The following SH3GL2 variants were observed in gnomAD, a reference collection of about 807,000 sequenced individuals.
SH3GL2 encodes SH3 domain containing GRB2 like 2, endophilin A1, also known as endophilin-A1.
A neutral mutation model predicts 46.0 loss-of-function variants in SH3GL2; 24 were observed. The observed-to-expected ratio is 0.52, with a 90% CI of 0.38 to 0.73. The LOEUF (loss-of-function observed/expected upper bound fraction) is 0.73. SH3GL2 is among the 30% of genes least tolerant of loss of function. The probability of loss-of-function intolerance (pLI) is 0.00; values close to 1 mark genes in which losing one functional copy is unlikely to be tolerated. For synonymous variants in SH3GL2, 196 were observed against 147.1 expected (o/e 1.33, Z -2.40); for missense variants, 413 against 424.2 (o/e 0.97, Z 0.23).
intron 3 of SH3GL2, among the ~76,000 whole-genome samples, chr9:17,786,111 A>G (rs1823948417): frequency 6.6e-6 from 1 of 152,182 alleles, no homozygotes; most frequent in African/African-American, 2.4e-5. Context: ...AAGGGCACAC[A>G]GTGATAGAAT....
intron 1 of SH3GL2, among the ~76,000 whole-genome samples, chr9:17,691,228 A>T (rs943210775): frequency 1.3e-5 from 2 of 152,092 alleles, no homozygotes; most frequent in Non-Finnish European, 2.9e-5. Context: ...TTGTTGCTTT[A>T]TAGCTTTTTC....
At chr9:17,714,419 T>A (rs1400085212) in intron 1 of SH3GL2, among the ~76,000 whole-genome samples, 1 of 151,850 alleles carries the variant, frequency 6.6e-6, no homozygotes, top group Non-Finnish European at 1.5e-5. Flanking sequence ...TCTATTTGTT[T>A]AATCTGTTAT....
intron 1 of SH3GL2, among the ~76,000 whole-genome samples, chr9:17,618,789 T>A (rs936400289): frequency 9.2e-6 from 1 of 108,332 alleles, no homozygotes; most frequent in African/African-American, 3.3e-5. Context: ...AAATTTGGCT[T>A]ATTTTGTGTG....
At chr9:17,751,198 TAAG>T (rs573207632) in intron 2 of SH3GL2, among the ~76,000 whole-genome samples, 29 of 152,186 alleles carry the variant, frequency 1.9e-4, no homozygotes, top group Non-Finnish European at 3.7e-4. Context: ...CTTTGAGTTT[TAAG>T]AAGAGCAAGT....
At chr9:17,586,935 G>T (rs369320865) in intron 1 of SH3GL2, among the ~76,000 whole-genome samples, 1 of 152,178 alleles carries the variant, frequency 6.6e-6, no homozygotes, top group Non-Finnish European at 1.5e-5. Flanking sequence ...GGCTGGGTGC[G>T]GTGGCTCATG....
At chr9:17,688,214 A>G (rs887339226) in intron 1 of SH3GL2, among the ~76,000 whole-genome samples, 2 of 152,064 alleles carry the variant, frequency 1.3e-5, no homozygotes, top group Non-Finnish European at 2.9e-5. Flanking sequence ...GTTCAATTTT[A>G]TGGGAGACTC....
chr9:17,662,895 G>C (rs567104352), intron 1 of SH3GL2, among the ~76,000 whole-genome samples: 5 of 152,078 alleles, frequency 3.3e-5, no homozygotes, highest in African/African-American at 1.2e-4. Context: ...TTTTTTAGTA[G>C]AGACAGGGTT....
intron 1 of SH3GL2, among the ~76,000 whole-genome samples, chr9:17,738,043 G>GTACACCAT (rs1267528461): frequency 1.3e-5 from 2 of 152,016 alleles, no homozygotes; most frequent in East Asian, 3.9e-4. Flanking sequence ...GTTAATGTAT[G>GTACACCAT]TACACCATTG....
At chr9:17,698,556 G>A (rs1821265043) in intron 1 of SH3GL2, among the ~76,000 whole-genome samples, 1 of 152,166 alleles carries the variant, frequency 6.6e-6, no homozygotes, top group African/African-American at 2.4e-5. Flanking sequence ...AAAATTGGAT[G>A]TAATATGAAG....
intron 1 of SH3GL2, among the ~76,000 whole-genome samples, chr9:17,662,552 G>A (rs1820247133): frequency 6.6e-6 from 1 of 152,074 alleles, no homozygotes. Flanking sequence ...AGCTGGATTA[G>A]GTTAGTTTTC....
intron 1 of SH3GL2, among the ~76,000 whole-genome samples, chr9:17,591,698 A>C (rs1474611090): frequency 6.6e-6 from 1 of 152,208 alleles, no homozygotes; most frequent in East Asian, 1.9e-4. Context: ...CTCAAAGTTC[A>C]TCAGCAGTTT....
Position 17,789,937 on chromosome 9 carries a change from G to A in SH3GL2, c.624+387G>A, listed in dbSNP as rs768063206. 8 of 193,088 alleles carry A rather than the reference G, an allele frequency of 4.1e-5. No homozygotes were observed. The South Asian group carries it at 5.4e-4, about 13-fold the overall frequency. The allele number at this position is 193,088 out of a possible 1,614,324, so 12.0% of individuals were successfully genotyped here. ...CATATCAATTTTGCACCATCATAAA[G>A]CCTACAAATCGTAAAGTCAGGGACC... is the stretch of plus-strand genomic sequence containing the variant. On this transcript the variant is annotated intron_variant, in intron 6 of 8. Transcript: ENST00000380607.
intron 1 of SH3GL2, among the ~76,000 whole-genome samples, chr9:17,716,452 T>C (rs1280589464): frequency 6.6e-6 from 1 of 152,190 alleles, no homozygotes. Flanking sequence ...TTTGCGCTAC[T>C]GAGATGAGAC....
chr9:17,771,741 T>A (rs1252837352), intron 3 of SH3GL2, among the ~76,000 whole-genome samples: 1 of 152,178 alleles, frequency 6.6e-6, no homozygotes, highest in Non-Finnish European at 1.5e-5. Context: ...GGCTGCTGAC[T>A]GTGTACTACA....
intron 1 of SH3GL2, among the ~76,000 whole-genome samples, chr9:17,595,802 G>C (rs1818558762): frequency 6.6e-6 from 1 of 152,168 alleles, no homozygotes; most frequent in Admixed American, 6.5e-5. Flanking sequence ...TAGTAAGCCT[G>C]ATATTGTAAA....
chr9:17,790,825 TTATTAACAGTACCGA>T (rs1250435666), intron 6 of SH3GL2, among the ~76,000 whole-genome samples: 2 of 152,182 alleles, frequency 1.3e-5, no homozygotes, highest in African/African-American at 4.8e-5. Context: ...TGTCACATTT[TTATTAACAGTACCGA>T]TATTAACAGC....
Position 17,793,368 on chromosome 9 carries a change from A to G in SH3GL2, c.730A>G (p.Ile244Val), listed in dbSNP as rs1478277748. 6 of 1,609,816 alleles carry G rather than the reference A, an allele frequency of 3.7e-6. No individual in the cohort carries two copies. Among genetic ancestry groups the G allele is most frequent in the South Asian group, 1.1e-5 (1 of 90,354 alleles). The change falls in exon 8 of 9, where the codon ATA becomes GTA. Residue 244 changes from isoleucine (I) to valine (V), a missense_variant and splice_region_variant. Transcript: ENST00000380607. ...CCACCACTTTTCTTTTTACTGCAGA[A>G]TAAGACAGGCTTCATCTCAGCCTAG... ...QQVTVRLEER[I>V]RQASSQPRRE... is the part of the protein sequence containing the mutation.
intron 1 of SH3GL2, among the ~76,000 whole-genome samples, chr9:17,674,166 T>C (rs1390000207): frequency 6.6e-6 from 1 of 152,248 alleles, no homozygotes; most frequent in African/African-American, 2.4e-5. Flanking sequence ...GTTCTTTGTA[T>C]TTATCTTGGG....
At chr9:17,592,715 C>A (rs889111445) in intron 1 of SH3GL2, among the ~76,000 whole-genome samples, 1 of 151,948 alleles carries the variant, frequency 6.6e-6, no homozygotes, top group Non-Finnish European at 1.5e-5. Context: ...ATATGTATTT[C>A]GTCTCCCTGT....
Sources: allele counts gnomAD v4.1 joint callset (sites outside exome capture counted in the v4.1 genomes callset), GRCh38; gene constraint gnomAD v4.1.1; transcripts MANE v1.5; gene names NCBI Gene and HGNC (gene_info 2026-07-23, HGNC 2026-07-21).